The following SCN2B variants were observed in gnomAD, a reference collection of about 807,000 sequenced individuals.
SCN2B encodes the protein sodium voltage-gated channel beta subunit 2, also known as sodium channel regulatory subunit beta-2.
A neutral mutation model predicts 18.2 loss-of-function variants in SCN2B; 14 were observed. The ratio of observed to expected loss-of-function variants is 0.77; its 90% CI spans 0.51 to 1.21. SCN2B has a LOEUF of 1.21. Ranked by LOEUF, SCN2B falls within the 50% of genes most tolerant of loss-of-function variation. The probability of loss-of-function intolerance (pLI) is 0.00; values close to 1 mark genes in which losing one functional copy is unlikely to be tolerated. For synonymous variants in SCN2B, 115 were observed against 115.3 expected (o/e 1.00, Z 0.02); for missense variants, 262 against 286.9 (o/e 0.91, Z 0.63).
rs907519988 is a variant in SCN2B, at chr11:118,166,562, C to T, written c.*325G>A. ...CTGGGCAGGTGGACAGCGGCCCCCT[C>T]CTCTACCCCTGCCCACCCACTCCCT... On this transcript the variant is annotated 3_prime_UTR_variant, in exon 4 of 4. Coordinates refer to ENST00000278947, the MANE Select transcript of SCN2B (RefSeq NM_004588.5). The T allele has an allele frequency of 2.4e-6, 1 of 421,660 alleles. No homozygotes were observed. The highest frequency in any genetic ancestry group is 2.2e-5 in the South Asian group (1 of 46,372). 26.1% of individuals were successfully genotyped at this position (421,660 alleles called of 1,614,324 possible). A position where few individuals can be genotyped will look rare whatever the true frequency, so the allele number is the denominator to read the frequency against.
At position 118,165,056 on chromosome 11, in the gene SCN2B, G is replaced by T; in HGVS notation, c.*1831C>A. The T allele has an allele frequency of 6.5e-6, 1 of 152,958 alleles. No homozygotes were observed. The allele number at this position is 152,958 out of a possible 1,614,324, so 9.5% of individuals were successfully genotyped here. A position where few individuals can be genotyped will look rare whatever the true frequency, so the allele number is the denominator to read the frequency against. On this transcript the variant is annotated 3_prime_UTR_variant, in exon 4 of 4. Transcript: ENST00000278947. ...GGGAATGGGGCATTTGCCAGCAGCT[G>T]TGCCCTTCACACTTGCTCCCTCCCT...
chr11:118,167,132 C>T (rs1352612343), intron 3 of SCN2B, 46 bp from the exon 4 acceptor site: 3 of 1,577,540 alleles, frequency 1.9e-6, no homozygotes, highest in Non-Finnish European at 2.6e-6. Flanking sequence ...GGGAAAGGGG[C>T]CTCCCCCATC....
At chr11:118,172,269 T>C (rs186368177) in intron 1 of SCN2B, among the ~76,000 whole-genome samples, 2 of 152,374 alleles carry the variant, frequency 1.3e-5, no homozygotes, top group Non-Finnish European at 1.5e-5. Flanking sequence ...ATACTCTACA[T>C]ACATCACCTC....
intron 1 of SCN2B, among the ~76,000 whole-genome samples, chr11:118,171,394 A>T: frequency 6.6e-6 from 1 of 152,224 alleles, no homozygotes; most frequent in Non-Finnish European, 1.5e-5. Flanking sequence ...TGCCAACAGC[A>T]TCTTCATCTG....
Position 118,167,038 on chromosome 11 carries a change from A to C in SCN2B, c.497T>G (p.Val166Gly), listed in dbSNP as rs1427036332. 6.2e-7 allele frequency: 1 copy of C among 1,613,494 alleles called. No homozygotes were observed. ...GATGACCACAGCCAGGAAGCCCCCG[A>C]CGGAGGCACCCACAATCACGGCCAC... ...STVAVIVGAS[V>G]GGFLAVVILV... The change falls in exon 4 of 4, where the codon GTC becomes GGC. Residue 166 changes from valine to glycine, a missense_variant. Transcript: ENST00000278947.
At chr11:118,175,706 A>T (rs899991464) in intron 1 of SCN2B, among the ~76,000 whole-genome samples, 11 of 151,944 alleles carry the variant, frequency 7.2e-5, no homozygotes, top group Admixed American at 7.2e-4. Context: ...TGTGGGTTCC[A>T]TTTTTTTCCT....
intron 1 of SCN2B, among the ~76,000 whole-genome samples, chr11:118,171,063 C>T (rs893466512): frequency 3.3e-5 from 5 of 152,108 alleles, no homozygotes; most frequent in African/African-American, 9.7e-5. Flanking sequence ...CGCCCCTGGC[C>T]CGAGTGACCA....
intron 1 of SCN2B, among the ~76,000 whole-genome samples, chr11:118,175,376 G>A (rs754564456): frequency 2.4e-4 from 37 of 152,208 alleles, no homozygotes; most frequent in Admixed American, 1.0e-3. Context: ...AAGCAGGCTG[G>A]CAGGGCCTCT....
At chr11:118,173,594 C>T (rs1331004130) in intron 1 of SCN2B, among the ~76,000 whole-genome samples, 1 of 152,246 alleles carries the variant, frequency 6.6e-6, no homozygotes, top group African/African-American at 2.4e-5. Context: ...CTGTATGAAG[C>T]TCAGCACAGT....
chr11:118,176,424 C>T lies in SCN2B; in HGVS notation c.8G>A (p.Arg3Lys). 6.2e-7 allele frequency: 1 copy of T among 1,614,016 alleles called. No homozygotes were observed. The highest frequency in any genetic ancestry group is 8.5e-7 in the Non-Finnish European group (1 of 1,179,964). The change falls in exon 1 of 4, where the codon AGA becomes AAA. Residue 3 changes from arginine (R) to lysine (K), a missense_variant. By Grantham distance (26) the Arg-to-Lys change is conservative. Coordinates refer to ENST00000278947, the MANE Select transcript of SCN2B (RefSeq NM_004588.5). MHRDAWLPRPAFS... is the reference protein window; with the variant it reads MHKDAWLPRPAFS... ...GGCAGGGCGAGGTAGCCAGGCATCT[C>T]TGTGCATTTTCAGAGACTGAGATGT...
In SCN2B at chr11:118,164,033, C is replaced by T. The variant is rs1348709810; in HGVS notation, c.*2854G>A. ...CCTGACCCAGCCCCATCTGCTGGGG[C>T]CCTGAGGCCCGTGAAGAGACATTGC... On this transcript the variant is annotated 3_prime_UTR_variant, in exon 4 of 4. Coordinates refer to ENST00000278947, the MANE Select transcript of SCN2B (RefSeq NM_004588.5). 6.6e-6 allele frequency: 1 copy of T among 152,096 alleles called. No individual in the cohort carries two copies. Among genetic ancestry groups the T allele is most frequent in the Non-Finnish European group, 1.5e-5 (1 of 68,000 alleles). 9.4% of individuals were successfully genotyped at this position (152,096 alleles called of 1,614,324 possible).
intron 1 of SCN2B, among the ~76,000 whole-genome samples, chr11:118,175,563 A>G (rs547312913): frequency 6.6e-6 from 1 of 152,340 alleles, no homozygotes; most frequent in South Asian, 2.1e-4. Flanking sequence ...GCAGGCTTGC[A>G]AATAACTTTC....
rs930898530 is a variant in SCN2B, at chr11:118,166,852, G to T, written c.*35C>A. 4 of 1,611,834 alleles carry T rather than the reference G, an allele frequency of 2.5e-6. No individual in the cohort carries two copies. The highest frequency in any genetic ancestry group is 2.7e-5 in the African/African-American group (2 of 74,858). ...ACTGTACAGGGCGGAGAGGGGAGGA[G>T]ACGGGACACGGGAGGCTGCAGGGCC... is the stretch of plus-strand genomic sequence containing the variant. On this transcript the variant is annotated 3_prime_UTR_variant, in exon 4 of 4. Coordinates refer to ENST00000278947, the MANE Select transcript of SCN2B (RefSeq NM_004588.5).
At position 118,167,100 on chromosome 11, in the gene SCN2B, A is replaced by G. The variant is rs755250263; in HGVS notation, c.449-14T>C. 1 of 1,607,212 alleles carries G rather than the reference A, an allele frequency of 6.2e-7. No homozygotes were observed. The highest frequency in any genetic ancestry group is 2.2e-5 in the East Asian group (1 of 44,866). On this transcript the variant is annotated splice_polypyrimidine_tract_variant and intron_variant, in intron 3 of 3. Transcript: ENST00000278947. Reference sequence around the variant, plus strand: ...GCTCAGGGGGCTCTGGAAAGGAAGCAGAGCCACTGAGCACCAGGGCTGGGA... The same window carrying G: ...GCTCAGGGGGCTCTGGAAAGGAAGCGGAGCCACTGAGCACCAGGGCTGGGA...
chr11:118,166,147 C>T lies in SCN2B; in HGVS notation c.*740G>A, dbSNP rs1292758528. The T allele has an allele frequency of 2.0e-5, 3 of 153,142 alleles. No homozygotes were observed. The highest frequency in any genetic ancestry group is 1.9e-4 in the East Asian group (1 of 5,196). The allele number at this position is 153,142 out of a possible 1,614,324, so 9.5% of individuals were successfully genotyped here. Reference sequence around the variant, plus strand: ...AAACTGGCCTCTGTTGGTGGGTCCCCGCTGGGAAACATGGCCCCCTACCTG... The same window carrying T: ...AAACTGGCCTCTGTTGGTGGGTCCCTGCTGGGAAACATGGCCCCCTACCTG... On this transcript the variant is annotated 3_prime_UTR_variant, in exon 4 of 4. Coordinates refer to ENST00000278947, the MANE Select transcript of SCN2B (RefSeq NM_004588.5).
chr11:118,175,140 A>G (rs1272907509), intron 1 of SCN2B, among the ~76,000 whole-genome samples: 1 of 152,192 alleles, frequency 6.6e-6, no homozygotes. Flanking sequence ...GGCTCACGAA[A>G]AGCATTCTTA....
rs1948400204 is a variant in SCN2B at position 118,168,138 on chromosome 11, G to C, written c.395C>G (p.Pro132Arg). ...EGIYNCYIMN[P>R]PDRHRGHGKI... ...GCCATGGCCACGGTGGCGGTCAGGG[G>C]GGTTCATGATGTAGCAGTTGTAAAT... The change falls in exon 3 of 4, where the codon CCC (proline) becomes CGC (arginine). Residue 132 changes from proline to arginine, a missense_variant. By Grantham distance (103) the Pro-to-Arg change is moderately radical. Coordinates refer to ENST00000278947, the MANE Select transcript of SCN2B (RefSeq NM_004588.5). The surrounding 1 kb of genome is among the most constrained non-coding windows in gnomAD (Gnocchi z 4.7). 1 of 1,614,156 alleles carries C rather than the reference G, an allele frequency of 6.2e-7. No homozygotes were observed. The highest frequency in any genetic ancestry group is 1.7e-5 in the Admixed American group (1 of 60,026).
rs144704424 is a variant in SCN2B at position 118,175,494 on chromosome 11, A to T, written c.70+868T>A. ...GTTCCATCAACAGTCCTTGGACTTG[A>T]CTCTCAGTTGCTGCTCCAGCAATAA... is the stretch of plus-strand genomic sequence containing the variant. On this transcript the variant is annotated intron_variant, in intron 1 of 3. Coordinates refer to ENST00000278947, the MANE Select transcript of SCN2B (RefSeq NM_004588.5). Among the ~76,000 whole-genome samples, 1,021 of 152,262 alleles carry T rather than the reference A, an allele frequency of 6.7e-3. 8 individuals are homozygous for T. The highest frequency in any genetic ancestry group is 0.011 in the Non-Finnish European group (765 of 68,032).
intron 1 of SCN2B, among the ~76,000 whole-genome samples, chr11:118,175,363 G>A (rs2134622827): frequency 6.6e-6 from 1 of 152,350 alleles, no homozygotes; most frequent in South Asian, 2.1e-4. Flanking sequence ...AAGTAACTCA[G>A]CAAAGCAGGC....
Sources: gnomAD v4.1 joint callset for allele counts (sites outside exome capture counted in the v4.1 genomes callset) on GRCh38, gnomAD v4.1.1 for gene constraint, Gnocchi (gnomAD v3.1) non-coding constraint, MANE v1.5 for transcripts, NCBI Gene and HGNC (gene_info 2026-07-23, HGNC 2026-07-21) for gene names.